ACTR3C: variants seen among roughly 807,000 people sequenced by gnomAD.
ACTR3C encodes actin-related protein 3C.
A neutral mutation model predicts 26.3 loss-of-function variants in ACTR3C; 18 were observed. The observed-to-expected ratio is 0.68, with a 90% CI of 0.47 to 1.01. The LOEUF (loss-of-function observed/expected upper bound fraction) is 1.01, where lower values mean the gene tolerates loss of function less well. Ranked by LOEUF, ACTR3C falls within the 50% of genes least tolerant of loss-of-function variation. The pLI, the probability that ACTR3C is intolerant of heterozygous loss-of-function variation, is 0.00. For missense variants in ACTR3C, 184 were observed against 250.7 expected (o/e 0.73, Z 1.80); for synonymous variants, 55 against 94.5 (o/e 0.58, Z 2.42).
chr7:149,975,405 G>A, the ACTR3C span, among the ~76,000 whole-genome samples: 1 of 152,004 alleles, frequency 6.6e-6, no homozygotes, highest in Non-Finnish European at 1.5e-5. Context: ...AATAAAAAGA[G>A]TAATTGGAAG....
intron 6 of ACTR3C, among the ~76,000 whole-genome samples, chr7:150,266,590 T>C (rs932873803): frequency 2.0e-5 from 3 of 152,172 alleles, no homozygotes; most frequent in Non-Finnish European, 4.4e-5. Flanking sequence ...TGGGGTTCCA[T>C]ACATTTCTGT....
chr7:150,070,505 C>T, the ACTR3C span, among the ~76,000 whole-genome samples: 1 of 152,172 alleles, frequency 6.6e-6, no homozygotes, highest in Non-Finnish European at 1.5e-5. Context: ...GGCTGGAGTG[C>T]GGTGGTACTA....
At chr7:150,031,286 A>AAC in the ACTR3C span, among the ~76,000 whole-genome samples, 37,305 of 150,560 alleles carry the variant, frequency 0.25, 4,802 homozygotes, top group East Asian at 0.46. Flanking sequence ...AAAAAAAAAA[A>AAC]AACAAATCTG....
the ACTR3C span, among the ~76,000 whole-genome samples, chr7:150,187,372 C>A: frequency 3.9e-5 from 6 of 152,056 alleles, no homozygotes; most frequent in African/African-American, 1.4e-4. Context: ...GGAGATAATT[C>A]ATACATATCA....
At chr7:150,057,289 T>G in the ACTR3C span, among the ~76,000 whole-genome samples, 1 of 149,886 alleles carries the variant, frequency 6.7e-6, no homozygotes, top group African/African-American at 2.5e-5. Context: ...TTTTTTTTTT[T>G]TTTTTTTTGA....
chr7:150,039,331 C>T, the ACTR3C span, among the ~76,000 whole-genome samples: 89 of 146,072 alleles, frequency 6.1e-4, no homozygotes, highest in African/African-American at 2.2e-3. Context: ...GAGGGGATAG[C>T]TCTCAGTCCC....
the ACTR3C span, among the ~76,000 whole-genome samples, chr7:150,177,541 C>G: frequency 6.6e-6 from 1 of 150,854 alleles, no homozygotes; most frequent in East Asian, 1.9e-4. Context: ...GAAAACACTT[C>G]CTCATTATTT....
intron 7 of ACTR3C, chr7:150,248,588 G>C (rs1367249317): frequency 3.9e-5 from 6 of 153,104 alleles, no homozygotes; most frequent in African/African-American, 1.5e-4. Context: ...TTGAACCCAG[G>C]AGGCAGAGGT....
At chr7:149,936,575 C>T in the ACTR3C span, among the ~76,000 whole-genome samples, 1 of 152,186 alleles carries the variant, frequency 6.6e-6, no homozygotes, top group Non-Finnish European at 1.5e-5. Flanking sequence ...AAACACTGTA[C>T]TGAATGGCCT....
At chr7:149,989,206 CATG>C in the ACTR3C span, among the ~76,000 whole-genome samples, 330 of 152,314 alleles carry the variant, frequency 2.2e-3, 5 homozygotes, top group Non-Finnish European at 2.7e-3. Flanking sequence ...TGGGGTCCAT[CATG>C]ATGTTTTGAT....
At chr7:150,172,887 T>C in the ACTR3C span, among the ~76,000 whole-genome samples, 2 of 150,388 alleles carry the variant, frequency 1.3e-5, no homozygotes, top group African/African-American at 5.0e-5. Flanking sequence ...TCCAAAATGA[T>C]CTCTTTTGAC....
the ACTR3C span, among the ~76,000 whole-genome samples, chr7:149,888,473 G>T: frequency 5.3e-5 from 8 of 152,374 alleles, no homozygotes; most frequent in Admixed American, 1.3e-4. Context: ...TGCTAAGCTT[G>T]ACTCTTCACC....
the ACTR3C span, among the ~76,000 whole-genome samples, chr7:149,985,219 C>CACACATACACACACACACAT: frequency 5.0e-5 from 7 of 139,628 alleles, no homozygotes; most frequent in African/African-American, 1.8e-4. Flanking sequence ...CACACACACA[C>CACACATACACACACACACAT]ACACACACAC....
chr7:149,990,190 C>T, the ACTR3C span, among the ~76,000 whole-genome samples: 1 of 152,134 alleles, frequency 6.6e-6, no homozygotes, highest in East Asian at 1.9e-4. Flanking sequence ...CCTTCATTCC[C>T]AGCCCAGCTG....
chr7:149,979,168 G>A, the ACTR3C span, among the ~76,000 whole-genome samples: 7 of 152,298 alleles, frequency 4.6e-5, no homozygotes, highest in East Asian at 3.9e-4. Context: ...CAGTCTCTAC[G>A]ATGAATCTCT....
At chr7:149,984,040 C>T in the ACTR3C span, among the ~76,000 whole-genome samples, 2 of 152,080 alleles carry the variant, frequency 1.3e-5, 1 homozygote, top group Non-Finnish European at 2.9e-5. Flanking sequence ...TTTGCTGTAT[C>T]CTACTGTGCT....
At chr7:150,031,069 C>T in the ACTR3C span, among the ~76,000 whole-genome samples, 2 of 151,932 alleles carry the variant, frequency 1.3e-5, no homozygotes, top group African/African-American at 4.8e-5. Context: ...CCAGCCTGGC[C>T]AACATAGTGA....
At chr7:150,023,338 C>CATACATACATACATGG in the ACTR3C span, among the ~76,000 whole-genome samples, 1 of 46,056 alleles carries the variant, frequency 2.2e-5, no homozygotes. Flanking sequence ...TACATACATA[C>CATACATACATACATGG]ATATATATTT....
At chr7:150,230,221 T>A in the ACTR3C span, among the ~76,000 whole-genome samples, 6 of 150,134 alleles carry the variant, frequency 4.0e-5, no homozygotes, top group South Asian at 6.3e-4. Flanking sequence ...CAAGACTCCA[T>A]CTCAAAAAAA....
Sources: gnomAD v4.1 joint callset for allele counts (sites outside exome capture counted in the v4.1 genomes callset) on GRCh38, gnomAD v4.1.1 for gene constraint, MANE v1.5 for transcripts, NCBI Gene and HGNC (gene_info 2026-07-23, HGNC 2026-07-21) for gene names.